Variants in DPP10 observed in about 807,000 individuals in gnomAD.
The protein encoded by DPP10 is dipeptidyl peptidase like 10, also known as inactive dipeptidyl peptidase 10.
A neutral mutation model predicts 120.9 loss-of-function variants in DPP10; 33 were observed. The ratio of observed to expected loss-of-function variants is 0.27; its 90% CI spans 0.21 to 0.37. The LOEUF is 0.37. Ranked by LOEUF, DPP10 falls within the 10% of genes least tolerant of loss-of-function variation. The pLI is 1.00. For synonymous variants in DPP10, 337 were observed against 326.1 expected (o/e 1.03, Z -0.36); for missense variants, 816 against 942.8 (o/e 0.87, Z 1.76).
In DPP10 at chr2:115,520,890, G is replaced by A. The variant is rs117662406; in HGVS notation, c.367-5008G>A. On this transcript the variant is annotated intron_variant, in intron 4 of 25. Transcript: ENST00000410059. ...GACAAAAGTGAATCATTGTAATGGG[G>A]CCTCTTAATAGGGACATTACCGTGG... Among the ~76,000 whole-genome samples, 13 of 152,228 alleles carry A rather than the reference G, an allele frequency of 8.5e-5. No individual in the cohort carries two copies. The East Asian group carries it at 2.1e-3, about 25-fold the overall frequency.
At chr2:115,353,498 C>T (rs1230059828) in intron 3 of DPP10, among the ~76,000 whole-genome samples, 1 of 151,992 alleles carries the variant, frequency 6.6e-6, no homozygotes, top group Admixed American at 6.6e-5. Context: ...TAATTTGAAA[C>T]AGAAGAATTT....
At chr2:115,100,117 T>C (rs2048606448) in intron 1 of DPP10, among the ~76,000 whole-genome samples, 2 of 152,132 alleles carry the variant, frequency 1.3e-5, no homozygotes, top group African/African-American at 4.8e-5. Context: ...TGGTTGGTCT[T>C]CTGAAAAGAT....
intron 1 of DPP10, among the ~76,000 whole-genome samples, chr2:114,953,953 A>C (rs1399034058): frequency 2.0e-5 from 3 of 152,152 alleles, no homozygotes; most frequent in Non-Finnish European, 4.4e-5. Context: ...AAAATTGCTT[A>C]AATTATTCAC....
intron 3 of DPP10, among the ~76,000 whole-genome samples, chr2:115,378,722 A>G (rs995610876): frequency 3.3e-5 from 5 of 152,106 alleles, no homozygotes; most frequent in Admixed American, 6.5e-5. Flanking sequence ...TTTCAAATAC[A>G]TCCCATCAAT....
chr2:115,508,776 G>A (rs1161609256), intron 4 of DPP10, among the ~76,000 whole-genome samples: 1 of 152,134 alleles, frequency 6.6e-6, no homozygotes, highest in Admixed American at 6.6e-5. Flanking sequence ...GGTGGCATGT[G>A]CTTCTAGTCC....
At chr2:114,838,067 T>A in intron 1 of DPP10, among the ~76,000 whole-genome samples, 1 of 152,224 alleles carries the variant, frequency 6.6e-6, no homozygotes, top group East Asian at 1.9e-4. Context: ...ATCTGAAGAA[T>A]GTGACCTTAA....
At chr2:115,095,395 G>A (rs1026800731) in intron 1 of DPP10, among the ~76,000 whole-genome samples, 1 of 152,096 alleles carries the variant, frequency 6.6e-6, no homozygotes, top group African/African-American at 2.4e-5. Flanking sequence ...AGGAGTGTGA[G>A]GGTGAGTTAG....
intron 1 of DPP10, among the ~76,000 whole-genome samples, chr2:115,189,370 G>A (rs1002094922): frequency 2.0e-5 from 3 of 152,278 alleles, no homozygotes; most frequent in African/African-American, 7.2e-5. Flanking sequence ...GACAGAGCAG[G>A]CGACAAGGGG....
intron 1 of DPP10, among the ~76,000 whole-genome samples, chr2:115,199,100 A>C (rs2055500703): frequency 6.6e-6 from 1 of 152,140 alleles, no homozygotes; most frequent in Non-Finnish European, 1.5e-5. Flanking sequence ...AGACCTATTA[A>C]AGTTCAGATA....
intron 1 of DPP10, among the ~76,000 whole-genome samples, chr2:115,028,228 G>A (rs1703604737): frequency 6.6e-6 from 1 of 151,970 alleles, no homozygotes; most frequent in African/African-American, 2.4e-5. Context: ...CTTTGATAAA[G>A]TCATTTATGG....
intron 1 of DPP10, among the ~76,000 whole-genome samples, chr2:114,950,947 A>G (rs1574555057): frequency 6.6e-6 from 1 of 152,320 alleles, no homozygotes; most frequent in South Asian, 2.1e-4. Context: ...TAAGGAAAGC[A>G]TCTCTTATGG....
intron 1 of DPP10, among the ~76,000 whole-genome samples, chr2:114,549,367 A>G (rs1270848195): frequency 3.3e-5 from 5 of 152,182 alleles, no homozygotes; most frequent in Middle Eastern, 6.8e-3. Context: ...GACTATTAGA[A>G]AACATGTCCG....
Position 114,888,387 on chromosome 2 carries a change from G to C in DPP10, c.61-420852G>C, listed in dbSNP as rs139323702. Among the ~76,000 whole-genome samples, 4 of 151,960 alleles carry C rather than the reference G, an allele frequency of 2.6e-5. 1 individual carries two copies. Among genetic ancestry groups the C allele is most frequent in the African/African-American group, 9.6e-5 (4 of 41,476 alleles). On this transcript the variant is annotated intron_variant, in intron 1 of 25. Coordinates refer to ENST00000410059, the MANE Select transcript of DPP10 (RefSeq NM_020868.6). Reference sequence around the variant, plus strand: ...CTATAGTAGATAAAAGAAGAAGAAGGTACAATTAATAGTGATATTGACACA... The same window carrying C: ...CTATAGTAGATAAAAGAAGAAGAAGCTACAATTAATAGTGATATTGACACA...
intron 1 of DPP10, among the ~76,000 whole-genome samples, chr2:114,694,796 G>A (rs1477848554): frequency 6.6e-6 from 1 of 151,934 alleles, no homozygotes; most frequent in African/African-American, 2.4e-5. Context: ...AATGAAAGAT[G>A]TGATTTCTAA....
intron 4 of DPP10, among the ~76,000 whole-genome samples, chr2:115,512,753 C>T (rs749636499): frequency 3.9e-5 from 6 of 151,994 alleles, no homozygotes; most frequent in Non-Finnish European, 7.4e-5. Flanking sequence ...GGTCAAATAA[C>T]ATACTTTTTA....
At chr2:115,418,641 G>A (rs1411877373) in intron 3 of DPP10, among the ~76,000 whole-genome samples, 3 of 151,646 alleles carry the variant, frequency 2.0e-5, no homozygotes, top group African/African-American at 7.3e-5. Flanking sequence ...GCATGGTGGT[G>A]TGTGTCTGTG....
chr2:114,632,071 ATATTTTCTGTAAGCTTAAATAAGT>A (rs1463916353), intron 1 of DPP10, among the ~76,000 whole-genome samples: 1 of 151,942 alleles, frequency 6.6e-6, no homozygotes, highest in Non-Finnish European at 1.5e-5. Flanking sequence ...TCTATCCCTT[ATATTTTCTGTAAGCTTAAATAAGT>A]TAGCTTCGGG....
intron 1 of DPP10, among the ~76,000 whole-genome samples, chr2:114,912,005 T>C (rs193282850): frequency 1.5e-3 from 232 of 152,276 alleles, no homozygotes; most frequent in Non-Finnish European, 2.7e-3. Flanking sequence ...TTACTGGAAC[T>C]TGAGACATGG....
chr2:115,656,807 T>G (rs952699963), intron 5 of DPP10, among the ~76,000 whole-genome samples: 1 of 151,720 alleles, frequency 6.6e-6, no homozygotes, highest in African/African-American at 2.4e-5. Flanking sequence ...GTTTGCTTAT[T>G]TATTTTATAG....
Sources: gnomAD v4.1 joint callset for allele counts (sites outside exome capture counted in the v4.1 genomes callset) on GRCh38, gnomAD v4.1.1 for gene constraint, MANE v1.5 for transcripts, NCBI Gene and HGNC (gene_info 2026-07-23, HGNC 2026-07-21) for gene names.